Variants in ROR1 observed in about 807,000 individuals in gnomAD.
The protein encoded by ROR1 is ROR family WNT receptor 1.
ROR1 carries 19 observed loss-of-function variants against 78.8 expected under a neutral mutation model. The observed-to-expected ratio is 0.24, with a 90% CI of 0.17 to 0.35. ROR1 has a LOEUF of 0.35. ROR1 is among the 10% of genes least tolerant of loss of function. ROR1 has a pLI of 1.00. For missense variants in ROR1, 917 were observed against 1,177.8 expected (o/e 0.78, Z 3.24); for synonymous variants, 386 against 433.6 (o/e 0.89, Z 1.36).
At chr1:64,107,784 C>T (rs1647885996) in intron 4 of ROR1, among the ~76,000 whole-genome samples, 1 of 151,830 alleles carries the variant, frequency 6.6e-6, no homozygotes, top group South Asian at 2.1e-4. Context: ...TCACCTCTGA[C>T]GTATTTTCAA....
intron 1 of ROR1, among the ~76,000 whole-genome samples, chr1:63,905,374 A>G (rs1645520216): frequency 2.0e-5 from 3 of 152,222 alleles, no homozygotes; most frequent in Admixed American, 2.0e-4. Context: ...GCCTTACTAC[A>G]GACCTTAATA....
intron 1 of ROR1, among the ~76,000 whole-genome samples, chr1:63,993,857 A>G (rs980327493): frequency 1.3e-5 from 2 of 152,172 alleles, no homozygotes; most frequent in Non-Finnish European, 2.9e-5. Context: ...CATTTCATGT[A>G]TGTTTGAGGG....
intron 1 of ROR1, among the ~76,000 whole-genome samples, chr1:63,937,882 G>A (rs1557571896): frequency 6.6e-6 from 1 of 152,164 alleles, no homozygotes; most frequent in East Asian, 1.9e-4. Flanking sequence ...TTGCTGTAGA[G>A]CCCGTGTAGA....
At chr1:63,828,138 T>G (rs1644966481) in intron 1 of ROR1, among the ~76,000 whole-genome samples, 1 of 152,186 alleles carries the variant, frequency 6.6e-6, no homozygotes, top group South Asian at 2.1e-4. Context: ...TTGCAGTAAC[T>G]TGAGCCTGTT....
chr1:63,871,980 G>A (rs1053312737), intron 1 of ROR1, among the ~76,000 whole-genome samples: 1 of 152,214 alleles, frequency 6.6e-6, no homozygotes, highest in Admixed American at 6.5e-5. Flanking sequence ...ATGAGATGCT[G>A]TTGAGATTTA....
chr1:63,863,276 C>T (rs776186838), intron 1 of ROR1, among the ~76,000 whole-genome samples: 8 of 152,208 alleles, frequency 5.3e-5, no homozygotes, highest in African/African-American at 2.4e-5. Flanking sequence ...TGTGTCTAGG[C>T]GTGCTGAGCT....
chr1:64,082,256 C>T (rs545983408), intron 4 of ROR1, among the ~76,000 whole-genome samples: 2 of 152,194 alleles, frequency 1.3e-5, no homozygotes, highest in South Asian at 4.2e-4. Context: ...GAGATAATAA[C>T]CTATATGGAT....
intron 5 of ROR1, among the ~76,000 whole-genome samples, chr1:64,139,846 TTAAC>T (rs1240022667): frequency 6.6e-6 from 1 of 152,002 alleles, no homozygotes; most frequent in African/African-American, 2.4e-5. Context: ...ATATTGTACT[TTAAC>T]TTAATTAATT....
At chr1:63,850,276 T>G (rs1440011322) in intron 1 of ROR1, among the ~76,000 whole-genome samples, 1 of 148,590 alleles carries the variant, frequency 6.7e-6, no homozygotes, top group African/African-American at 2.6e-5. Flanking sequence ...ATTTCACAAT[T>G]AATGTACCCA....
At chr1:64,122,403 T>C (rs1000749920) in intron 4 of ROR1, among the ~76,000 whole-genome samples, 1 of 152,216 alleles carries the variant, frequency 6.6e-6, no homozygotes, top group African/African-American at 2.4e-5. Context: ...TGGTTTACCC[T>C]CTCAATCCAA....
intron 1 of ROR1, chr1:63,775,406 T>A (rs1232309355): frequency 6.6e-6 from 1 of 152,090 alleles, no homozygotes; most frequent in Non-Finnish European, 1.5e-5. Context: ...ACCGATTCAT[T>A]CTTTGGAGGT....
At chr1:64,051,492 TAAAATA>T (rs1646831431) in intron 4 of ROR1, among the ~76,000 whole-genome samples, 1 of 149,026 alleles carries the variant, frequency 6.7e-6, no homozygotes, top group African/African-American at 2.5e-5. Flanking sequence ...TAAAATAAAA[TAAAATA>T]AAAAAGCTGA....
chr1:63,920,153 G>A (rs1645643094), intron 1 of ROR1, among the ~76,000 whole-genome samples: 1 of 152,160 alleles, frequency 6.6e-6, no homozygotes, highest in South Asian at 2.1e-4. Flanking sequence ...GGGCAGGATG[G>A]GAAAGTTCAA....
At chr1:64,009,660 T>C (rs1310411367) in intron 2 of ROR1, among the ~76,000 whole-genome samples, 1 of 152,232 alleles carries the variant, frequency 6.6e-6, no homozygotes, top group Non-Finnish European at 1.5e-5. Context: ...TTCTGACCTT[T>C]CTGACACTAC....
In ROR1 at chr1:63,898,495, A is replaced by C. The variant is rs149378864; in HGVS notation, c.92-110810A>C. Among the ~76,000 whole-genome samples the C allele has an allele frequency of 1.9e-4, 29 of 151,878 alleles. No homozygotes were observed. The East Asian group carries it at 5.0e-3, about 26-fold the overall frequency. Reference sequence around the variant, plus strand: ...TTCCAGGATGGTAGGTGTTCAAGAAACACATATTGAAAAAAAGGGAAAGAA... The same window carrying C: ...TTCCAGGATGGTAGGTGTTCAAGAACCACATATTGAAAAAAAGGGAAAGAA... On this transcript the variant is annotated intron_variant, in intron 1 of 8. Transcript: ENST00000371079.
chr1:63,905,029 TAA>T (rs1645517922), intron 1 of ROR1, among the ~76,000 whole-genome samples: 1 of 152,102 alleles, frequency 6.6e-6, no homozygotes, highest in Non-Finnish European at 1.5e-5. Context: ...TTCCTGTTGT[TAA>T]GAGCCTTCCC....
chr1:63,874,291 T>C (rs1645269601), intron 1 of ROR1, among the ~76,000 whole-genome samples: 1 of 152,204 alleles, frequency 6.6e-6, no homozygotes. Flanking sequence ...AAATTCTCAA[T>C]GTAAAAGCCA....
intron 1 of ROR1, among the ~76,000 whole-genome samples, chr1:63,999,530 C>G (rs1488379145): frequency 6.6e-6 from 1 of 151,914 alleles, no homozygotes; most frequent in Non-Finnish European, 1.5e-5. Flanking sequence ...CAGCATTTAT[C>G]ATATTATACT....
intron 8 of ROR1, among the ~76,000 whole-genome samples, chr1:64,176,974 T>G (rs1259275940): frequency 6.6e-6 from 1 of 152,246 alleles, no homozygotes; most frequent in African/African-American, 2.4e-5. Context: ...GAAAGTGAGT[T>G]AGGACCAGAT....
Sources: gnomAD v4.1 joint callset for allele counts (sites outside exome capture counted in the v4.1 genomes callset) on GRCh38, gnomAD v4.1.1 for gene constraint, MANE v1.5 for transcripts, NCBI Gene and HGNC (gene_info 2026-07-23, HGNC 2026-07-21) for gene names.